Variants in CDC42BPB observed in about 807,000 individuals in gnomAD.
CDC42BPB encodes serine/threonine-protein kinase MRCK beta.
CDC42BPB carries 37 observed loss-of-function variants against 214.9 expected under a neutral mutation model. The ratio of observed to expected loss-of-function variants is 0.17; its 90% confidence interval spans 0.13 to 0.23. The LOEUF is 0.23. CDC42BPB is among the 10% of genes least tolerant of loss of function. The pLI, the probability that CDC42BPB is intolerant of heterozygous loss-of-function variation, is 1.00. For synonymous variants in CDC42BPB, 931 were observed against 884.0 expected (o/e 1.05, Z -0.94); for missense variants, 1,694 against 2,227.0 (o/e 0.76, Z 4.82).
chr14:102,987,788 A>AACACACACACACACACACACAC (rs57579935), intron 5 of CDC42BPB, among the ~76,000 whole-genome samples: 1 of 140,760 alleles, frequency 7.1e-6, no homozygotes, highest in African/African-American at 2.7e-5. Flanking sequence ...CAAACACACA[A>AACACACACACACACACACACAC]ACACACACAC....
Position 103,004,031 on chromosome 14 carries a change from G to T in CDC42BPB, c.352-8C>A. On this transcript the variant is annotated splice_region_variant and splice_polypyrimidine_tract_variant and intron_variant, in intron 3 of 36. Coordinates refer to ENST00000361246, the MANE Select transcript of CDC42BPB (RefSeq NM_006035.4). The surrounding 1 kb of genome is among the most constrained non-coding windows in gnomAD (Gnocchi z 5.3). The stretch of plus-strand genomic sequence containing the variant: ...CTCTCGGAAGCACGCGGTCTGCAAA[G>T]CAACGAGGGGTGTCAGTCTGTGTTC... 6.3e-7 allele frequency: 1 copy of T among 1,593,334 alleles called. No homozygotes were observed. Among genetic ancestry groups the T allele is most frequent in the Non-Finnish European group, 8.5e-7 (1 of 1,174,826 alleles).
chr14:102,962,979 A>G lies in CDC42BPB; in HGVS notation c.2821+82T>C. The G allele has an allele frequency of 4.3e-6, 3 of 697,002 alleles. No homozygotes were observed. The South Asian group carries it at 5.8e-5, about 13-fold the overall frequency. 43.2% of individuals were successfully genotyped at this position (697,002 alleles called of 1,614,324 possible). A position where few individuals can be genotyped will look rare whatever the true frequency, so the allele number is the denominator to read the frequency against. On this transcript the variant is annotated intron_variant, in intron 20 of 36. Transcript: ENST00000361246. The stretch of plus-strand genomic sequence containing the variant: ...TTCTGTAGGTGCTTCTAAAGTAACT[A>G]TTAAGTCGAAAAGAAAATAAAAACA...
intron 8 of CDC42BPB, among the ~76,000 whole-genome samples, chr14:102,979,100 T>C (rs1239427181): frequency 1.3e-5 from 2 of 152,192 alleles, no homozygotes; most frequent in Admixed American, 1.3e-4. Flanking sequence ...AACAATCCTT[T>C]CAACAATGAC....
In CDC42BPB at chr14:102,968,962, C is replaced by T. The variant is rs576814575; in HGVS notation, c.1996-246G>A. The T allele has an allele frequency of 1.1e-5, 10 of 869,996 alleles. No homozygotes were observed. In the South Asian group the frequency reaches 3.7e-4, roughly 32 times the overall value. 53.9% of individuals were successfully genotyped at this position (869,996 alleles called of 1,614,324 possible). A position where few individuals can be genotyped will look rare whatever the true frequency, so the allele number is the denominator to read the frequency against. ...GGACCCCCGAAGCTCTGCCCCACACCCTGTTCATTCATGCTTGCAGCATTC... is the reference window on the plus strand; with the variant it reads ...GGACCCCCGAAGCTCTGCCCCACACTCTGTTCATTCATGCTTGCAGCATTC... On this transcript the variant is annotated intron_variant, in intron 14 of 36. Coordinates refer to ENST00000361246, the MANE Select transcript of CDC42BPB (RefSeq NM_006035.4).
At chr14:102,986,416 A>G in intron 6 of CDC42BPB, 71 bp downstream of exon 6, 2 of 989,038 alleles carry the variant, frequency 2.0e-6, no homozygotes, top group South Asian at 2.9e-5. Flanking sequence ...TGTACCTCAA[A>G]TTGAAAACTT....
In CDC42BPB at chr14:102,964,550, A is replaced by T; in HGVS notation, c.2678T>A (p.Val893Asp). The change falls in exon 19 of 37, where the codon GTC (valine) becomes GAC (aspartate). Residue 893 changes from valine (V) to aspartate (D), a missense_variant. Coordinates refer to ENST00000361246, the MANE Select transcript of CDC42BPB (RefSeq NM_006035.4). ...LEAEIRAKQL[V>D]QEELRKVKDA... is the part of the protein sequence containing the mutation. ...CTTGACCTTCCTGAGCTCCTCCTGG[A>T]CAAGCTGCTTGGCCCGGATCTCCGC... is the stretch of plus-strand genomic sequence containing the variant. 1 of 1,613,902 alleles carries T rather than the reference A, an allele frequency of 6.2e-7. No individual in the cohort carries two copies. The highest frequency in any genetic ancestry group is 8.5e-7 in the Non-Finnish European group (1 of 1,180,018).
intron 2 of CDC42BPB, chr14:103,008,870 C>T (rs143150393): frequency 2.5e-5 from 4 of 157,320 alleles, no homozygotes; most frequent in African/African-American, 7.2e-5. Flanking sequence ...TGAGCACTGA[C>T]AGTTAATGTG....
chr14:102,951,587 G>C (rs1330670178), intron 24 of CDC42BPB, among the ~76,000 whole-genome samples: 1 of 152,066 alleles, frequency 6.6e-6, no homozygotes, highest in African/African-American at 2.4e-5. Context: ...TCAGGAGTTC[G>C]AGACCAGCCT....
At position 102,946,094 on chromosome 14, in the gene CDC42BPB, T is replaced by C. The variant is rs574242953; in HGVS notation, c.3749-370A>G. ...TGTGATCTCGGCTCACTGTAAGCTC[T>C]GCCTCCTGGGTTCATGCTGTTCTCC... On this transcript the variant is annotated intron_variant, in intron 28 of 36. Transcript: ENST00000361246. 1.3e-4 allele frequency among the ~76,000 whole-genome samples: 20 copies of C among 151,850 alleles called. No individual in the cohort carries two copies. In the East Asian group the frequency reaches 3.7e-3, roughly 28 times the overall value.
intron 9 of CDC42BPB, among the ~76,000 whole-genome samples, chr14:102,977,614 A>T (rs1893813172): frequency 6.6e-6 from 1 of 152,210 alleles, no homozygotes; most frequent in Non-Finnish European, 1.5e-5. Flanking sequence ...AAAAGCCAGC[A>T]GAGTGCTCTG....
Position 102,943,791 on chromosome 14 carries a change from A to G in CDC42BPB, c.4408+100T>C, listed in dbSNP as rs1892012388. 3.7e-6 allele frequency: 4 copies of G among 1,072,420 alleles called. No homozygotes were observed. Among genetic ancestry groups the G allele is most frequent in the Non-Finnish European group, 5.4e-6 (4 of 740,424 alleles). The allele number at this position is 1,072,420 out of a possible 1,614,324, so 66.4% of individuals were successfully genotyped here. ...TCTCCCGATGCTCTGTGACTACTCA[A>G]CTAAGGGACTGGAAGACAAACCAAA... On this transcript the variant is annotated intron_variant, in intron 30 of 36. Transcript: ENST00000361246. This position sits in a 1 kb window ranked among gnomAD's most constrained non-coding sequence, Gnocchi z 4.6.
At chr14:103,024,729 C>G (rs941550964) in intron 1 of CDC42BPB, among the ~76,000 whole-genome samples, 1 of 152,146 alleles carries the variant, frequency 6.6e-6, no homozygotes, top group African/African-American at 2.4e-5. Flanking sequence ...ATGGCAGCTT[C>G]CACTTTCTGA....
intron 13 of CDC42BPB, 133 bp from the exon 14 acceptor site, chr14:102,970,394 T>C (rs1285912558): frequency 7.2e-7 from 1 of 1,385,050 alleles, no homozygotes; most frequent in African/African-American, 1.4e-5. Context: ...CATCAAATCT[T>C]ATCACAAATT....
intron 12 of CDC42BPB, among the ~76,000 whole-genome samples, chr14:102,972,959 A>G (rs992299071): frequency 1.3e-5 from 2 of 152,228 alleles, no homozygotes; most frequent in African/African-American, 4.8e-5. Context: ...ATCGCTGGAC[A>G]GCCTGCCCTT....
At chr14:103,034,830 A>G (rs58829380) in intron 1 of CDC42BPB, among the ~76,000 whole-genome samples, 3,960 of 152,012 alleles carry the variant, frequency 0.026, 176 homozygotes, top group African/African-American at 0.088. Flanking sequence ...AAAAAAAAAA[A>G]AAAAGAAAAG....
chr14:103,011,736 G>A (rs905160256), intron 2 of CDC42BPB, among the ~76,000 whole-genome samples: 7 of 152,038 alleles, frequency 4.6e-5, no homozygotes, highest in Admixed American at 1.3e-4. Flanking sequence ...AGTGCAAGAC[G>A]TCCATCTCAA....
chr14:102,935,184 C>T (rs1272681881), intron 36 of CDC42BPB, among the ~76,000 whole-genome samples: 1 of 152,032 alleles, frequency 6.6e-6, no homozygotes, highest in Non-Finnish European at 1.5e-5. Context: ...TCTCTCTTTG[C>T]AGATGACATG....
intron 21 of CDC42BPB, among the ~76,000 whole-genome samples, chr14:102,955,244 G>A (rs1484934549): frequency 6.6e-6 from 1 of 152,080 alleles, no homozygotes; most frequent in Non-Finnish European, 1.5e-5. Flanking sequence ...CCAACATGGC[G>A]AAACCCCGTC....
intron 11 of CDC42BPB, chr14:102,974,374 T>C (rs973212964): frequency 8.1e-6 from 8 of 984,574 alleles, no homozygotes; most frequent in Middle Eastern, 5.2e-4. Context: ...CCCTAGACTT[T>C]ACTCTGATCT....
Sources: gnomAD v4.1 joint callset for allele counts (sites outside exome capture counted in the v4.1 genomes callset) on GRCh38, gnomAD v4.1.1 for gene constraint, Gnocchi (gnomAD v3.1) non-coding constraint, MANE v1.5 for transcripts, NCBI Gene and HGNC (gene_info 2026-07-23, HGNC 2026-07-21) for gene names.